Variants in ASXL3 observed in about 807,000 individuals in gnomAD.
ASXL3 encodes ASXL transcriptional regulator 3.
A neutral mutation model predicts 170.6 loss-of-function variants in ASXL3; 34 were observed. The observed-to-expected ratio is 0.20, with a 90% CI of 0.15 to 0.27. ASXL3 has a LOEUF of 0.27. ASXL3 is among the 10% of genes least tolerant of loss of function. The probability of loss-of-function intolerance (pLI) is 1.00; values close to 1 mark genes in which losing one functional copy is unlikely to be tolerated. For synonymous variants in ASXL3, 1,002 were observed against 989.1 expected (o/e 1.01, Z -0.24); for missense variants, 2,592 against 2,695.3 (o/e 0.96, Z 0.85).
rs2145440660 is a variant in ASXL3 at position 33,748,083 on chromosome 18, T to C, written c.*1488T>C. 1 of 150,714 alleles carries C rather than the reference T, an allele frequency of 6.6e-6. No homozygotes were observed. 9.3% of individuals were successfully genotyped at this position (150,714 alleles called of 1,614,324 possible). A position where few individuals can be genotyped will look rare whatever the true frequency, so the allele number is the denominator to read the frequency against. ...AAAATGTGGAGTGCCATTAACCCATTGATTGATTGTGGCTGTAGAATTTAA... is the reference window on the plus strand; with the variant it reads ...AAAATGTGGAGTGCCATTAACCCATCGATTGATTGTGGCTGTAGAATTTAA... On this transcript the variant is annotated 3_prime_UTR_variant, in exon 12 of 12. Coordinates refer to ENST00000269197, the MANE Select transcript of ASXL3 (RefSeq NM_030632.3).
At chr18:33,646,721 A>G (rs1354213571) in intron 4 of ASXL3, among the ~76,000 whole-genome samples, 1 of 151,838 alleles carries the variant, frequency 6.6e-6, no homozygotes, top group African/African-American at 2.4e-5. Context: ...TTTTTCCTGT[A>G]ATCACAAGTA....
intron 1 of ASXL3, among the ~76,000 whole-genome samples, chr18:33,582,409 T>A (rs7227658): frequency 0.18 from 27,694 of 152,142 alleles, 4,706 homozygotes; most frequent in African/African-American, 0.45. Flanking sequence ...ATATTTATTC[T>A]AGGTTAATTC....
intron 2 of ASXL3, among the ~76,000 whole-genome samples, chr18:33,625,300 A>G (rs1211533339): frequency 2.0e-5 from 3 of 152,150 alleles, no homozygotes; most frequent in South Asian, 2.1e-4. Flanking sequence ...GACTGAACAT[A>G]TATTACTTAG....
chr18:33,640,096 T>G (rs1226517733), intron 2 of ASXL3, among the ~76,000 whole-genome samples: 1 of 152,114 alleles, frequency 6.6e-6, no homozygotes, highest in Non-Finnish European at 1.5e-5. Flanking sequence ...TTTCTAAATC[T>G]TTCTTATTCC....
At chr18:33,618,720 A>G (rs896742010) in intron 2 of ASXL3, among the ~76,000 whole-genome samples, 1 of 152,094 alleles carries the variant, frequency 6.6e-6, no homozygotes, top group Non-Finnish European at 1.5e-5. Context: ...GTGTTATTTA[A>G]TGAGGTCTTT....
At chr18:33,624,837 C>T (rs549287539) in intron 2 of ASXL3, among the ~76,000 whole-genome samples, 2 of 152,104 alleles carry the variant, frequency 1.3e-5, no homozygotes, top group Non-Finnish European at 2.9e-5. Context: ...GCGCTTCTGT[C>T]TTTGAGATCC....
At chr18:33,579,443 C>T (rs549328540) in intron 1 of ASXL3, among the ~76,000 whole-genome samples, 1 of 152,268 alleles carries the variant, frequency 6.6e-6, no homozygotes, top group East Asian at 1.9e-4. Flanking sequence ...GTGTATTTTA[C>T]TGCTGGCTTC....
At chr18:33,709,814 T>G (rs2145345362) in intron 8 of ASXL3, among the ~76,000 whole-genome samples, 1 of 152,322 alleles carries the variant, frequency 6.6e-6, no homozygotes, top group South Asian at 2.1e-4. Context: ...CCGCCCTAAC[T>G]TGTTTGGCTC....
At chr18:33,646,797 C>T (rs574114179) in intron 4 of ASXL3, among the ~76,000 whole-genome samples, 1 of 129,896 alleles carries the variant, frequency 7.7e-6, no homozygotes, top group South Asian at 2.3e-4. Flanking sequence ...TCATTCCTCA[C>T]AGTGAAAAGA....
chr18:33,625,568 A>ATAGTGAAGT (rs1426523045), intron 2 of ASXL3, among the ~76,000 whole-genome samples: 1 of 152,178 alleles, frequency 6.6e-6, no homozygotes, highest in Non-Finnish European at 1.5e-5. Flanking sequence ...TTTATGAGAT[A>ATAGTGAAGT]TAGTGAAGTT....
In ASXL3 at chr18:33,745,999, C is replaced by G; in HGVS notation, c.6151C>G (p.Pro2051Ala). Reference protein sequence around the residue: ...LPPPLPNAEVPSDQKQPPVTM... With the variant: ...LPPPLPNAEVASDQKQPPVTM... ...TCCACCTCTCCCTAATGCAGAAGTCCCATCTGATCAAAAACAACCTCCAGT... is the reference window on the plus strand; with the variant it reads ...TCCACCTCTCCCTAATGCAGAAGTCGCATCTGATCAAAAACAACCTCCAGT... Residue 2051 changes from proline to alanine, a missense_variant, in exon 12 of 12, where the codon CCA (proline) becomes GCA (alanine). Transcript: ENST00000269197. 6.3e-7 allele frequency: 1 copy of G among 1,598,410 alleles called. No individual in the cohort carries two copies. The highest frequency in any genetic ancestry group is 8.5e-7 in the Non-Finnish European group (1 of 1,173,424).
intron 8 of ASXL3, among the ~76,000 whole-genome samples, chr18:33,687,417 A>G (rs562562491): frequency 6.6e-6 from 1 of 152,334 alleles, no homozygotes; most frequent in Non-Finnish European, 1.5e-5. Flanking sequence ...AGGTCCTACA[A>G]TTATGTGAAA....
At chr18:33,731,132 C>T (rs1399831145) in intron 8 of ASXL3, among the ~76,000 whole-genome samples, 1 of 151,992 alleles carries the variant, frequency 6.6e-6, no homozygotes, top group Non-Finnish European at 1.5e-5. Flanking sequence ...TGCATGAAGG[C>T]ATTATTTGAG....
intron 1 of ASXL3, among the ~76,000 whole-genome samples, chr18:33,600,181 T>C (rs556971744): frequency 1.3e-5 from 2 of 152,242 alleles, no homozygotes; most frequent in African/African-American, 2.4e-5. Flanking sequence ...TAAGGATCTA[T>C]TAGTCTGGAA....
chr18:33,690,140 G>C (rs981773836), intron 8 of ASXL3: 1 of 152,218 alleles, frequency 6.6e-6, no homozygotes, highest in Non-Finnish European at 1.5e-5. Flanking sequence ...TGGGATTACA[G>C]GGGTGAGCCA....
At chr18:33,698,132 G>A (rs2066805033) in intron 8 of ASXL3, among the ~76,000 whole-genome samples, 1 of 152,114 alleles carries the variant, frequency 6.6e-6, no homozygotes, top group Non-Finnish European at 1.5e-5. Context: ...CTTTTGAGAA[G>A]TGATTAAGTC....
intron 1 of ASXL3, among the ~76,000 whole-genome samples, chr18:33,586,413 T>A (rs543917889): frequency 1.3e-4 from 20 of 152,126 alleles, no homozygotes; most frequent in Non-Finnish European, 1.9e-4. Flanking sequence ...CCTTTTTTTT[T>A]AAAGTATTAT....
chr18:33,691,978 A>T (rs1469559365), intron 8 of ASXL3, among the ~76,000 whole-genome samples: 2 of 152,242 alleles, frequency 1.3e-5, no homozygotes, highest in Non-Finnish European at 2.9e-5. Context: ...GCTGAGGGTC[A>T]GGGAGGAAAA....
rs2067624856 is a variant in ASXL3 at position 33,739,820 on chromosome 18, A to G, written c.2416A>G (p.Asn806Asp). The change falls in exon 11 of 12, where the codon AAT (asparagine) becomes GAT (aspartate). Residue 806 changes from asparagine to aspartate, a missense_variant. Asn to Asp is a conservative substitution (Grantham distance 23). This residue lies in a region of ASXL3 where 2,246 missense variants were observed against 2,219.6 expected (regional missense o/e 1.01). Coordinates refer to ENST00000269197, the MANE Select transcript of ASXL3 (RefSeq NM_030632.3). ...TACCTCCCAGCAGAAGAATCTGTCT[A>G]ATACTCCCGAACCCATCATAATGAG... Reference protein sequence around the residue: ...NLTSQQKNLSNTPEPIIMSSS... With the variant: ...NLTSQQKNLSDTPEPIIMSSS... 3 of 1,613,890 alleles carry G rather than the reference A, an allele frequency of 1.9e-6. No individual in the cohort carries two copies. Among genetic ancestry groups the G allele is most frequent in the Non-Finnish European group, 2.5e-6 (3 of 1,179,846 alleles).
Sources: allele counts gnomAD v4.1 joint callset (sites outside exome capture counted in the v4.1 genomes callset), GRCh38; gene constraint gnomAD v4.1.1; regional missense constraint gnomAD v4.1.1; transcripts MANE v1.5; gene names NCBI Gene and HGNC (gene_info 2026-07-23, HGNC 2026-07-21).